The following TEX11 variants were observed in gnomAD, a reference collection of about 807,000 sequenced individuals.
TEX11 encodes testis-expressed protein 11.
TEX11 carries 7 observed loss-of-function variants against 84.4 expected under a neutral mutation model. The ratio of observed to expected loss-of-function variants is 0.08; its 90% CI spans 0.05 to 0.16. The LOEUF is 0.16. Among genes scored for constraint, TEX11 ranks in the 10% least tolerant of loss-of-function variants. TEX11 has a pLI of 1.00. For synonymous variants in TEX11, 264 were observed against 222.8 expected, an observed-to-expected ratio of 1.18 and a Z score of -1.64; for missense variants, 551 against 660.5, an observed-to-expected ratio of 0.83 and a Z score of 1.82.
intron 16 of TEX11, among the ~76,000 whole-genome samples, chrX:70,669,275 T>C (rs1387080081): frequency 8.9e-6 from 1 of 111,795 alleles, no homozygotes; most frequent in Non-Finnish European, 1.9e-5. Context: ...CAGATATAGG[T>C]CCTTCCCAAG....
intron 13 of TEX11, among the ~76,000 whole-genome samples, chrX:70,705,264 G>C (rs1264336136): frequency 8.9e-6 from 1 of 111,783 alleles, no homozygotes; most frequent in African/African-American, 3.2e-5. Flanking sequence ...GCTTAGGATT[G>C]TCTTGGCAAT....
At chrX:70,618,163 G>A (rs1377723314) in intron 20 of TEX11, among the ~76,000 whole-genome samples, 1 of 111,907 alleles carries the variant, frequency 8.9e-6, no homozygotes, top group Non-Finnish European at 1.9e-5. Context: ...CATTGGCAGT[G>A]GCCAATGACC....
chrX:70,764,595 G>GA (rs1430175708), intron 9 of TEX11, among the ~76,000 whole-genome samples: 2 of 111,016 alleles, frequency 1.8e-5, no homozygotes, highest in East Asian at 5.6e-4. Flanking sequence ...GACTATCTAA[G>GA]AAAAAAATAC....
chrX:70,803,692 A>G (rs1461689644), intron 9 of TEX11, among the ~76,000 whole-genome samples: 1 of 112,165 alleles, frequency 8.9e-6, no homozygotes, highest in Non-Finnish European at 1.9e-5. Flanking sequence ...CACTGTTCTC[A>G]AAAGAGTTAA....
At chrX:70,747,280 T>C (rs2090774499) in intron 9 of TEX11, among the ~76,000 whole-genome samples, 1 of 111,761 alleles carries the variant, frequency 8.9e-6, no homozygotes, top group African/African-American at 3.2e-5. Context: ...AAGTGAACTA[T>C]GTGGATGCAG....
At chrX:70,876,272 A>C (rs2147870341) in intron 3 of TEX11, among the ~76,000 whole-genome samples, 1 of 112,199 alleles carries the variant, frequency 8.9e-6, no homozygotes, top group East Asian at 2.8e-4. Context: ...AAAATACATT[A>C]AAATAATAGT....
chrX:70,729,350 T>G (rs1603239167), intron 11 of TEX11, among the ~76,000 whole-genome samples: 1 of 111,539 alleles, frequency 9.0e-6, no homozygotes, highest in Non-Finnish European at 1.9e-5. Context: ...TTCAGACGAT[T>G]AAACTACGCC....
chrX:70,564,932 G>T (rs1201308194), intron 25 of TEX11, among the ~76,000 whole-genome samples: 1 of 109,367 alleles, frequency 9.1e-6, no homozygotes, highest in African/African-American at 3.3e-5. Context: ...TAATGGGATT[G>T]CTGGGTCAAA....
chrX:70,531,628 T>G lies in TEX11; in HGVS notation c.2521-1629A>C, dbSNP rs1048692981. Among the ~76,000 whole-genome samples, 4 of 110,643 alleles carry G rather than the reference T, an allele frequency of 3.6e-5. 1 individual carries two copies. Among genetic ancestry groups the G allele is most frequent in the African/African-American group, 9.9e-5 (3 of 30,396 alleles). ...AAAGCCATAGAGACAGAAAGGAGATTTGTGGTTGCCAGGGGCTGGGGAAGG... is the reference window on the plus strand; with the variant it reads ...AAAGCCATAGAGACAGAAAGGAGATGTGTGGTTGCCAGGGGCTGGGGAAGG... On this transcript the variant is annotated intron_variant, in intron 28 of 29. Coordinates refer to ENST00000374333, the MANE Select transcript of TEX11 (RefSeq NM_031276.3).
At chrX:70,539,039 T>TATATATATATATATATATA (rs1555978760) in intron 28 of TEX11, among the ~76,000 whole-genome samples, 1 of 16,621 alleles carries the variant, frequency 6.0e-5, no homozygotes, top group Non-Finnish European at 1.0e-4. Flanking sequence ...TATATATATA[T>TATATATATATATATATATA]TTTTTTTTTT....
At chrX:70,751,411 C>A (rs1374147182) in intron 9 of TEX11, among the ~76,000 whole-genome samples, 1 of 96,511 alleles carries the variant, frequency 1.0e-5, no homozygotes, top group South Asian at 5.4e-4. Flanking sequence ...CATGTTCTCA[C>A]TCATAGGTGG....
chrX:70,711,475 G>A (rs1307445245), intron 13 of TEX11, among the ~76,000 whole-genome samples: 15 of 108,926 alleles, frequency 1.4e-4, no homozygotes, highest in Admixed American at 1.3e-3. Flanking sequence ...TTTAATGATC[G>A]CCATTCTAAC....
intron 7 of TEX11, chrX:70,846,408 C>G (rs372491875): frequency 3.6e-5 from 4 of 112,080 alleles, no homozygotes; most frequent in African/African-American, 1.3e-4. Context: ...CAATCTTACC[C>G]ATCATTGCTT....
chrX:70,531,852 G>A (rs1172450826), intron 28 of TEX11, among the ~76,000 whole-genome samples: 1 of 112,045 alleles, frequency 8.9e-6, no homozygotes, highest in African/African-American at 3.2e-5. Flanking sequence ...CAGAGAAAGA[G>A]AAGGGCATTC....
At chrX:70,716,464 T>C (rs1191885711) in intron 13 of TEX11, among the ~76,000 whole-genome samples, 2 of 111,444 alleles carry the variant, frequency 1.8e-5, no homozygotes, top group African/African-American at 6.5e-5. Context: ...AGCCTCTTTG[T>C]TTACCTACTC....
intron 11 of TEX11, among the ~76,000 whole-genome samples, chrX:70,732,406 C>G (rs780588980): frequency 1.8e-5 from 2 of 111,481 alleles, no homozygotes; most frequent in African/African-American, 6.5e-5. Flanking sequence ...AAAACCCCAT[C>G]GTCTCAGCCC....
At chrX:70,519,969 G>A in the TEX11 span, among the ~76,000 whole-genome samples, 1 of 111,652 alleles carries the variant, frequency 9.0e-6, no homozygotes, top group Non-Finnish European at 1.9e-5. Flanking sequence ...GCTCCATCAG[G>A]TCATTTAAGG....
chrX:70,686,051 T>C (rs973184553), intron 13 of TEX11, among the ~76,000 whole-genome samples: 4 of 111,799 alleles, frequency 3.6e-5, no homozygotes, highest in African/African-American at 1.3e-4. Flanking sequence ...TTTCTTTTGC[T>C]GTGCAGAAGC....
At chrX:70,553,036 G>C (rs909059885) in intron 27 of TEX11, among the ~76,000 whole-genome samples, 3 of 112,064 alleles carry the variant, frequency 2.7e-5, no homozygotes, top group Non-Finnish European at 5.6e-5. Context: ...AAGAAAGAAA[G>C]GTACTTAGCA....
Sources: allele counts gnomAD v4.1 joint callset (sites outside exome capture counted in the v4.1 genomes callset), GRCh38; gene constraint gnomAD v4.1.1; transcripts MANE v1.5; gene names NCBI Gene and HGNC (gene_info 2026-07-23, HGNC 2026-07-21).